MCTP1: variants seen among roughly 807,000 people sequenced by gnomAD.
The protein encoded by MCTP1 is multiple C2 and transmembrane domain-containing protein 1.
MCTP1 carries 69 observed loss-of-function variants against 120.6 expected under a neutral mutation model. The ratio of observed to expected loss-of-function variants is 0.57; its 90% CI spans 0.47 to 0.70. The LOEUF is 0.70. Among genes scored for constraint, MCTP1 ranks in the 30% least tolerant of loss-of-function variants. MCTP1 has a pLI of 0.00. For synonymous variants in MCTP1, 529 were observed against 493.1 expected (o/e 1.07, Z -0.96); for missense variants, 1,203 against 1,248.8 (o/e 0.96, Z 0.55).
At chr5:95,222,416 G>A (rs1753793204) in intron 1 of MCTP1, among the ~76,000 whole-genome samples, 1 of 152,222 alleles carries the variant, frequency 6.6e-6, no homozygotes, top group Admixed American at 6.5e-5. Context: ...CTTCAATTAA[G>A]AATCATATTT....
At chr5:95,076,772 G>T (rs1446238740) in intron 1 of MCTP1, among the ~76,000 whole-genome samples, 3 of 152,100 alleles carry the variant, frequency 2.0e-5, no homozygotes, top group Non-Finnish European at 4.4e-5. Context: ...TAGGGGTGGG[G>T]GAAAAATCTA....
intron 1 of MCTP1, among the ~76,000 whole-genome samples, chr5:95,244,401 G>T (rs1481520801): frequency 6.6e-6 from 1 of 152,182 alleles, no homozygotes; most frequent in African/African-American, 2.4e-5. Flanking sequence ...AAGCACAAGG[G>T]GTGGGGGGAT....
intron 12 of MCTP1, among the ~76,000 whole-genome samples, chr5:94,875,142 T>C (rs1156661844): frequency 2.6e-5 from 4 of 152,074 alleles, no homozygotes; most frequent in Non-Finnish European, 5.9e-5. Flanking sequence ...TGATAAATAC[T>C]ATGGGAAAAA....
intron 1 of MCTP1, among the ~76,000 whole-genome samples, chr5:95,037,313 G>A (rs557803275): frequency 3.3e-5 from 5 of 152,202 alleles, no homozygotes; most frequent in African/African-American, 7.2e-5. Flanking sequence ...GGAGTATTTC[G>A]AATGATGTGG....
chr5:95,209,129 A>C (rs1270493984), intron 1 of MCTP1, among the ~76,000 whole-genome samples: 1 of 152,180 alleles, frequency 6.6e-6, no homozygotes, highest in African/African-American at 2.4e-5. Context: ...CCAAAAGGGA[A>C]TTGTATCATC....
intron 1 of MCTP1, among the ~76,000 whole-genome samples, chr5:95,183,188 A>G (rs939267875): frequency 6.6e-6 from 1 of 152,136 alleles, no homozygotes; most frequent in Non-Finnish European, 1.5e-5. Context: ...GGCAATTCAA[A>G]GAGAAATGGA....
At chr5:94,747,616 A>G (rs4869220) in intron 19 of MCTP1, among the ~76,000 whole-genome samples, 41,599 of 151,956 alleles carry the variant, frequency 0.27, 6,095 homozygotes, top group East Asian at 0.47. Context: ...TGTGGACTGT[A>G]GTTTACTGAC....
intron 1 of MCTP1, among the ~76,000 whole-genome samples, chr5:95,255,403 C>T (rs563484988): frequency 5.3e-5 from 8 of 152,268 alleles, no homozygotes; most frequent in African/African-American, 1.9e-4. Flanking sequence ...AAGAGAGTAG[C>T]AGGCATTTTT....
rs371955919 is a variant in MCTP1, at chr5:95,168,369, G to A, written c.720+115487C>T. On this transcript the variant is annotated intron_variant, in intron 1 of 22. Coordinates refer to ENST00000515393, the MANE Select transcript of MCTP1 (RefSeq NM_024717.7). Reference sequence around the variant, plus strand: ...TGTTCTTTTGGCTTAGGATTGACTTGGCAATGTGGGCTCTTTTTTGGTTCC... The same window carrying A: ...TGTTCTTTTGGCTTAGGATTGACTTAGCAATGTGGGCTCTTTTTTGGTTCC... Among the ~76,000 whole-genome samples the A allele has an allele frequency of 5.6e-4, 86 of 152,270 alleles. No individual in the cohort carries two copies. In the East Asian group the frequency reaches 0.013, roughly 23 times the overall value.
intron 1 of MCTP1, among the ~76,000 whole-genome samples, chr5:95,267,040 T>C (rs571151633): frequency 4.6e-5 from 7 of 152,354 alleles, no homozygotes; most frequent in African/African-American, 1.4e-4. Flanking sequence ...TGCAAATCTG[T>C]TTCATAAATA....
chr5:94,705,232 G>T lies in MCTP1; in HGVS notation c.*2264C>A, dbSNP rs1754273155. 6.6e-6 allele frequency: 1 copy of T among 151,440 alleles called. No homozygotes were observed. The allele number at this position is 151,440 out of a possible 1,614,324, so 9.4% of individuals were successfully genotyped here. ...TGTGAGAAGGGGAAAGAAATAAATA[G>T]TTAAAATTTTAACTATACATATTCT... On this transcript the variant is annotated 3_prime_UTR_variant, in exon 23 of 23. Transcript: ENST00000515393.
At chr5:94,929,602 T>C in intron 6 of MCTP1, 1 of 902,792 alleles carries the variant, frequency 1.1e-6, no homozygotes, top group Non-Finnish European at 1.3e-6. Context: ...GTAAAATCTA[T>C]AAAGCTACAC....
chr5:95,033,543 A>C (rs1840676630), intron 1 of MCTP1, among the ~76,000 whole-genome samples: 1 of 152,094 alleles, frequency 6.6e-6, no homozygotes, highest in Admixed American at 6.6e-5. Context: ...CATGATAAAA[A>C]CTCTCAACAA....
intron 1 of MCTP1, among the ~76,000 whole-genome samples, chr5:95,275,981 AG>A (rs764644394): frequency 2.6e-5 from 4 of 152,204 alleles, no homozygotes. Context: ...AAGGACACAG[AG>A]ACAATGAACC....
At chr5:95,000,647 GTATAA>G (rs1163988767) in intron 2 of MCTP1, among the ~76,000 whole-genome samples, 7 of 152,038 alleles carry the variant, frequency 4.6e-5, no homozygotes, top group South Asian at 2.1e-4. Context: ...TTCTATAGCT[GTATAA>G]TATGTTTGTG....
At chr5:95,023,896 G>A (rs1292071167) in intron 1 of MCTP1, among the ~76,000 whole-genome samples, 1 of 152,144 alleles carries the variant, frequency 6.6e-6, no homozygotes, top group East Asian at 1.9e-4. Context: ...CTTGTGGTCT[G>A]CTTTTTGTAA....
At chr5:95,174,702 C>T (rs1747759674) in intron 1 of MCTP1, among the ~76,000 whole-genome samples, 1 of 152,198 alleles carries the variant, frequency 6.6e-6, no homozygotes, top group Non-Finnish European at 1.5e-5. Context: ...CATAAGGTTG[C>T]TGTATGGATT....
intron 1 of MCTP1, among the ~76,000 whole-genome samples, chr5:95,079,972 A>G (rs1198241051): frequency 6.6e-6 from 1 of 152,192 alleles, no homozygotes; most frequent in Non-Finnish European, 1.5e-5. Flanking sequence ...AGCCTAAAAA[A>G]GAGTACAGTT....
intron 19 of MCTP1, among the ~76,000 whole-genome samples, chr5:94,775,892 C>T: frequency 6.7e-6 from 1 of 148,934 alleles, no homozygotes; most frequent in Middle Eastern, 3.6e-3. Flanking sequence ...TAATGATTAG[C>T]TCTTTGAATA....
Sources: allele counts gnomAD v4.1 joint callset (sites outside exome capture counted in the v4.1 genomes callset), GRCh38; gene constraint gnomAD v4.1.1; transcripts MANE v1.5; gene names NCBI Gene and HGNC (gene_info 2026-07-23, HGNC 2026-07-21).